PKHD1L1: variants seen among roughly 807,000 people sequenced by gnomAD.
The protein encoded by PKHD1L1 is PKHD1 like 1.
A neutral mutation model predicts 462.9 loss-of-function variants in PKHD1L1; 434 were observed. The ratio of observed to expected loss-of-function variants is 0.94; its 90% CI spans 0.87 to 1.02. PKHD1L1 has a LOEUF of 1.02. PKHD1L1 is among the 50% of genes least tolerant of loss of function. PKHD1L1 has a pLI of 0.00. For synonymous variants in PKHD1L1, 1,781 were observed against 1,750.0 expected, an observed-to-expected ratio of 1.02 and a Z score of -0.44; for missense variants, 5,202 against 5,096.1, an observed-to-expected ratio of 1.02 and a Z score of -0.63.
At chr8:109,455,970 AC>A (rs1263379611) in intron 45 of PKHD1L1, among the ~76,000 whole-genome samples, 3 of 152,076 alleles carry the variant, frequency 2.0e-5, no homozygotes, top group Non-Finnish European at 4.4e-5. Context: ...ATATTATCAC[AC>A]CCCATTTACA....
chr8:109,393,091 G>A (rs1190989272), intron 9 of PKHD1L1, among the ~76,000 whole-genome samples: 2 of 152,104 alleles, frequency 1.3e-5, no homozygotes, highest in Non-Finnish European at 2.9e-5. Context: ...ACACAGTATC[G>A]CTGGAGCTAG....
chr8:109,470,969 C>A lies in PKHD1L1; in HGVS notation c.8606-4149C>A, dbSNP rs193259586. 4 of 1,610,440 alleles carry A rather than the reference C, an allele frequency of 2.5e-6. No homozygotes were observed. In the African/African-American group the frequency reaches 5.3e-5, roughly 22 times the overall value. On this transcript the variant is annotated intron_variant, in intron 50 of 77. Transcript: ENST00000378402. The stretch of plus-strand genomic sequence containing the variant: ...CAGTGGGGAGTTCCTCTTTAACAAG[C>A]AGCTCGAGTCCATAGGCATCCCGCA...
intron 65 of PKHD1L1, 126 bp downstream of exon 65, chr8:109,497,398 TG>T: frequency 8.6e-7 from 1 of 1,157,080 alleles, no homozygotes; most frequent in South Asian, 1.7e-5. Context: ...TCCCTGCCTT[TG>T]TTCCCACTGC....
In PKHD1L1 at chr8:109,510,943, A is replaced by G. The variant is rs780548955; in HGVS notation, c.11553+9A>G. On this transcript the variant is annotated intron_variant, in intron 71 of 77. Coordinates refer to ENST00000378402, the MANE Select transcript of PKHD1L1 (RefSeq NM_177531.6). ...ATGTTGATCATAACAAGGTAGGGCA[A>G]GATGTCTTAAGAGTAATTGCTGTTG... is the stretch of plus-strand genomic sequence containing the variant. 30 of 1,610,904 alleles carry G rather than the reference A, an allele frequency of 1.9e-5. No individual in the cohort carries two copies. The highest frequency in any genetic ancestry group is 1.0e-5 in the Non-Finnish European group (12 of 1,178,306).
At chr8:109,374,567 G>C (rs1278786754) in intron 2 of PKHD1L1, among the ~76,000 whole-genome samples, 1 of 152,108 alleles carries the variant, frequency 6.6e-6, no homozygotes, top group African/African-American at 2.4e-5. Context: ...TGATTTTGCT[G>C]GTTAGTTGAT....
intron 22 of PKHD1L1, among the ~76,000 whole-genome samples, chr8:109,420,065 C>T (rs373610911): frequency 6.6e-6 from 1 of 152,066 alleles, no homozygotes; most frequent in East Asian, 1.9e-4. Flanking sequence ...CACTTAGAAC[C>T]TACTATGTGT....
intron 9 of PKHD1L1, among the ~76,000 whole-genome samples, chr8:109,392,685 AAATCTTACATTTTG>A (rs946598550): frequency 1.3e-5 from 2 of 152,106 alleles, no homozygotes; most frequent in Non-Finnish European, 2.9e-5. Context: ...AAAAGATAAA[AAATCTTACATTTTG>A]AATCTTACAT....
chr8:109,387,174 C>T (rs961701331), intron 6 of PKHD1L1, among the ~76,000 whole-genome samples: 1 of 152,242 alleles, frequency 6.6e-6, no homozygotes. Flanking sequence ...TTCAGGAGAC[C>T]TGCTTCTCAC....
At chr8:109,385,450 A>G (rs533660899) in intron 5 of PKHD1L1, 87 bp from the exon 6 acceptor site, 2 of 820,542 alleles carry the variant, frequency 2.4e-6, no homozygotes, top group East Asian at 2.7e-5. Flanking sequence ...TCCTGGTTTT[A>G]TTGGGAAAAT....
intron 23 of PKHD1L1, 102 bp from the exon 24 acceptor site, chr8:109,424,983 G>A (rs751950862): frequency 4.4e-5 from 42 of 957,678 alleles, no homozygotes; most frequent in Non-Finnish European, 6.0e-5. Flanking sequence ...AATACATGAG[G>A]CTCATTTATG....
chr8:109,432,431 C>A (rs1815160404), intron 27 of PKHD1L1, among the ~76,000 whole-genome samples: 1 of 152,018 alleles, frequency 6.6e-6, no homozygotes. Flanking sequence ...CTATTTGAAT[C>A]TATGTAGAAT....
At chr8:109,479,889 C>T in intron 54 of PKHD1L1, 102 bp from the exon 55 acceptor site, 1 of 1,160,348 alleles carries the variant, frequency 8.6e-7, no homozygotes, top group Non-Finnish European at 1.2e-6. Flanking sequence ...AAAGACATGT[C>T]ATAAACACTC....
chr8:109,381,103 T>C (rs1248298491), intron 2 of PKHD1L1, among the ~76,000 whole-genome samples: 1 of 152,154 alleles, frequency 6.6e-6, no homozygotes, highest in African/African-American at 2.4e-5. Flanking sequence ...GATTTTGTTA[T>C]CCAAGGGGAT....
intron 73 of PKHD1L1, among the ~76,000 whole-genome samples, chr8:109,521,114 A>G (rs904158664): frequency 6.6e-6 from 1 of 152,148 alleles, no homozygotes; most frequent in African/African-American, 2.4e-5. Flanking sequence ...GAGTCATCCA[A>G]AAGAGTCCTT....
rs534546859 is a variant in PKHD1L1, at chr8:109,442,720, G to GA, written c.4394-222dup. 7.2e-4 allele frequency among the ~76,000 whole-genome samples: 110 copies of GA among 152,156 alleles called. 1 individual carries two copies. The South Asian group carries it at 7.5e-3, about 10-fold the overall frequency. Reference sequence around the variant, plus strand: ...ATGCCAGACTTGCCATGGTTTTCTAGAAAATCAATGCCGGAACTTGTTTTC... The same window carrying GA: ...ATGCCAGACTTGCCATGGTTTTCTAGAAAAATCAATGCCGGAACTTGTTTTC... On this transcript the variant is annotated intron_variant, in intron 35 of 77. Coordinates refer to ENST00000378402, the MANE Select transcript of PKHD1L1 (RefSeq NM_177531.6).
At chr8:109,491,211 C>A in intron 61 of PKHD1L1, 110 bp downstream of exon 61, 1 of 1,165,134 alleles carries the variant, frequency 8.6e-7, no homozygotes, top group Non-Finnish European at 1.2e-6. Context: ...TGGAAATGGT[C>A]TATATTTCTG....
At chr8:109,362,904 TG>T (rs1811051186) in intron 1 of PKHD1L1, among the ~76,000 whole-genome samples, 1 of 152,100 alleles carries the variant, frequency 6.6e-6, no homozygotes, top group Admixed American at 6.5e-5. Flanking sequence ...AACTCATCAA[TG>T]CTGCTACTTG....
chr8:109,413,655 G>T (rs1336343933), intron 21 of PKHD1L1, 110 bp downstream of exon 21: 2 of 888,616 alleles, frequency 2.3e-6, no homozygotes, highest in Non-Finnish European at 3.1e-6. Context: ...TTGGGGAGAT[G>T]AGGGCAAATA....
chr8:109,409,078 A>T (rs1342801079), intron 18 of PKHD1L1, among the ~76,000 whole-genome samples: 1 of 152,198 alleles, frequency 6.6e-6, no homozygotes, highest in Admixed American at 6.5e-5. Flanking sequence ...CAGATTAAAG[A>T]GTATATATTG....
Sources: allele counts gnomAD v4.1 joint callset (sites outside exome capture counted in the v4.1 genomes callset), GRCh38; gene constraint gnomAD v4.1.1; transcripts MANE v1.5; gene names NCBI Gene and HGNC (gene_info 2026-07-23, HGNC 2026-07-21).